Variants in PREPL observed in about 807,000 individuals in gnomAD.
PREPL encodes the protein prolyl endopeptidase-like.
Under a neutral mutation model 70.6 loss-of-function variants are expected in PREPL, and 77 were observed. That is an observed-to-expected ratio of 1.09 (90% CI 0.91 to 1.32). The LOEUF (loss-of-function observed/expected upper bound fraction) is 1.32, where lower values mean the gene tolerates loss of function less well. Among genes scored for constraint, PREPL ranks in the 40% most tolerant of loss-of-function variants. The pLI, the probability that PREPL is intolerant of heterozygous loss-of-function variation, is 0.00. For missense variants in PREPL, 1,002 were observed against 778.2 expected (o/e 1.29, Z -3.42); for synonymous variants, 315 against 264.8 (o/e 1.19, Z -1.84).
intron 5 of PREPL, among the ~76,000 whole-genome samples, chr2:44,341,973 C>A (rs1377479505): frequency 6.6e-6 from 1 of 152,042 alleles, no homozygotes; most frequent in Non-Finnish European, 1.5e-5. Flanking sequence ...CAACAATCAT[C>A]AGGAACAAGG....
rs1022399046 is a variant in PREPL at position 44,343,672 on chromosome 2, T to C, written c.349+73A>G. The C allele has an allele frequency of 4.3e-6, 6 of 1,401,498 alleles. No homozygotes were observed. The African/African-American group carries it at 8.5e-5, about 20-fold the overall frequency. 86.8% of individuals were successfully genotyped at this position (1,401,498 alleles called of 1,614,324 possible). A position where few individuals can be genotyped will look rare whatever the true frequency, so the allele number is the denominator to read the frequency against. The stretch of plus-strand genomic sequence containing the variant: ...GCATTCACCTTCTCCCTCCCTCACA[T>C]GCGACAAAAAAATGTTTCAAAAGTG... On this transcript the variant is annotated intron_variant, in intron 4 of 13. Coordinates refer to ENST00000409411, the MANE Select transcript of PREPL (RefSeq NM_001171613.2).
At chr2:44,350,476 A>T (rs1405981022) in intron 1 of PREPL, among the ~76,000 whole-genome samples, 2 of 152,174 alleles carry the variant, frequency 1.3e-5, no homozygotes, top group East Asian at 3.8e-4. Context: ...ACAGAAATAT[A>T]CTAAATCTGT....
At chr2:44,347,476 G>A (rs572334589) in intron 1 of PREPL, among the ~76,000 whole-genome samples, 84 of 152,334 alleles carry the variant, frequency 5.5e-4, no homozygotes, top group Non-Finnish European at 1.0e-3. Context: ...AGATATAGAT[G>A]AAAGCTAAAT....
chr2:44,322,712 C>A lies in PREPL; in HGVS notation c.1753+19G>T. 6.2e-7 allele frequency: 1 copy of A among 1,609,962 alleles called. No individual in the cohort carries two copies. Among genetic ancestry groups the A allele is most frequent in the Non-Finnish European group, 8.5e-7 (1 of 1,178,134 alleles). On this transcript the variant is annotated intron_variant, in intron 12 of 13. Coordinates refer to ENST00000409411, the MANE Select transcript of PREPL (RefSeq NM_001171613.2). ...GTAGTCTGTTTGGCCATGTTCCCTG[C>A]TTCTAGGGGGTCTCCTACCTTCACC...
chr2:44,322,412 C>G (rs911895745), intron 12 of PREPL, among the ~76,000 whole-genome samples: 1 of 152,156 alleles, frequency 6.6e-6, no homozygotes, highest in Non-Finnish European at 1.5e-5. Flanking sequence ...CCAAGAATAA[C>G]GGCTCAATAA....
In PREPL at chr2:44,361,487, A is replaced by T; in HGVS notation, c.-156T>A. 1 of 153,298 alleles carries T rather than the reference A, an allele frequency of 6.5e-6. No individual in the cohort carries two copies. The highest frequency in any genetic ancestry group is 2.0e-4 in the South Asian group (1 of 4,990). The allele number at this position is 153,298 out of a possible 1,614,324, so 9.5% of individuals were successfully genotyped here. ...GTGTCACCGCAGGCAAGTCCAGCCGAAGTCTGCGTTCCGCAGCCCACAGAA... is the reference window on the plus strand; with the variant it reads ...GTGTCACCGCAGGCAAGTCCAGCCGTAGTCTGCGTTCCGCAGCCCACAGAA... On this transcript the variant is annotated 5_prime_UTR_variant, in exon 1 of 14. Transcript: ENST00000409411.
chr2:44,357,705 C>T (rs1243633337), intron 1 of PREPL, among the ~76,000 whole-genome samples: 2 of 152,158 alleles, frequency 1.3e-5, no homozygotes, highest in Non-Finnish European at 2.9e-5. Context: ...GATGGTAATT[C>T]CTGTCTACTA....
chr2:44,325,689 T>C (rs1673424619), intron 10 of PREPL, among the ~76,000 whole-genome samples: 1 of 152,144 alleles, frequency 6.6e-6, no homozygotes, highest in Admixed American at 6.5e-5. Context: ...ATTCTCCACA[T>C]TTTTCTGTTT....
At chr2:44,324,668 A>C (rs2103718237) in intron 10 of PREPL, among the ~76,000 whole-genome samples, 1 of 152,162 alleles carries the variant, frequency 6.6e-6, no homozygotes, top group South Asian at 2.1e-4. Flanking sequence ...ACTTGAGCCC[A>C]GGAGTTTGAA....
intron 7 of PREPL, among the ~76,000 whole-genome samples, chr2:44,334,572 G>A (rs921583466): frequency 2.0e-5 from 3 of 152,182 alleles, no homozygotes; most frequent in Admixed American, 6.5e-5. Flanking sequence ...TAGAGACGGA[G>A]TCTTGCTCTT....
At chr2:44,333,061 G>A (rs551953725) in intron 7 of PREPL, among the ~76,000 whole-genome samples, 6 of 152,186 alleles carry the variant, frequency 3.9e-5, no homozygotes, top group South Asian at 2.1e-4. Context: ...CCTCACATGC[G>A]TGTGTTTTTC....
intron 1 of PREPL, among the ~76,000 whole-genome samples, chr2:44,350,380 A>T (rs1014126896): frequency 3.2e-4 from 48 of 152,320 alleles, no homozygotes; most frequent in African/African-American, 1.2e-3. Context: ...GAAAAAATAA[A>T]AAATAATCAC....
intron 1 of PREPL, among the ~76,000 whole-genome samples, chr2:44,349,977 C>T (rs960833330): frequency 6.6e-6 from 1 of 152,010 alleles, no homozygotes; most frequent in Non-Finnish European, 1.5e-5. Flanking sequence ...TTGAAAGAAA[C>T]ACCAAGCCCA....
chr2:44,346,562 AATG>A (rs373907295), intron 1 of PREPL, among the ~76,000 whole-genome samples, 172 bp from the exon 2 acceptor site: 26 of 152,220 alleles, frequency 1.7e-4, no homozygotes, highest in African/African-American at 5.1e-4. Context: ...TCATCAATAA[AATG>A]ATCTTTTTCG....
In PREPL at chr2:44,323,405, A is replaced by G; in HGVS notation, c.1486T>C (p.Phe496Leu). ...ATCATGGTGTTGAGAACATCCAAGA[A>G]AGGTGCCTAAAAAAAAGGCAAAGAA... Reference protein sequence around the residue: ...LVRAVTLEAPFLDVLNTMMDT... With the variant: ...LVRAVTLEAPLLDVLNTMMDT... Residue 496 changes from phenylalanine to leucine, a missense_variant, in exon 11 of 14, where the codon TTC becomes CTC. Physicochemically the swap from Phe to Leu is conservative, Grantham distance 22 (BLOSUM62 0). Coordinates refer to ENST00000409411, the MANE Select transcript of PREPL (RefSeq NM_001171613.2). 1 of 1,580,926 alleles carries G rather than the reference A, an allele frequency of 6.3e-7. No individual in the cohort carries two copies. The highest frequency in any genetic ancestry group is 1.4e-5 in the African/African-American group (1 of 73,074).
In PREPL at chr2:44,326,685, T is replaced by C. The variant is rs777374099; in HGVS notation, c.1479+27A>G. Reference sequence around the variant, plus strand: ...ATGGCTTCACACCTCCCCCATTCTATAAACAGTAGAGACAGAGCGTACTCA... The same window carrying C: ...ATGGCTTCACACCTCCCCCATTCTACAAACAGTAGAGACAGAGCGTACTCA... On this transcript the variant is annotated intron_variant, in intron 10 of 13. Transcript: ENST00000409411. 6.3e-6 allele frequency: 10 copies of C among 1,598,166 alleles called. No individual in the cohort carries two copies. In the South Asian group the frequency reaches 1.1e-4, roughly 18 times the overall value.
chr2:44,354,222 G>C (rs1417605448), intron 1 of PREPL, among the ~76,000 whole-genome samples: 1 of 151,940 alleles, frequency 6.6e-6, no homozygotes, highest in Non-Finnish European at 1.5e-5. Context: ...TGATTTCTGG[G>C]GTATGTTTTC....
chr2:44,355,324 G>A (rs1676909261), intron 1 of PREPL, among the ~76,000 whole-genome samples: 1 of 152,170 alleles, frequency 6.6e-6, no homozygotes, highest in Non-Finnish European at 1.5e-5. Flanking sequence ...AAGGCAGGTG[G>A]ATTGCTTGAG....
intron 1 of PREPL, among the ~76,000 whole-genome samples, chr2:44,352,465 T>C (rs1424509394): frequency 6.6e-6 from 1 of 152,192 alleles, no homozygotes; most frequent in African/African-American, 2.4e-5. Flanking sequence ...TTTTGCCATG[T>C]TGCCCAGGCT....
Sources: gnomAD v4.1 joint callset for allele counts (sites outside exome capture counted in the v4.1 genomes callset) on GRCh38, gnomAD v4.1.1 for gene constraint, MANE v1.5 for transcripts, NCBI Gene and HGNC (gene_info 2026-07-23, HGNC 2026-07-21) for gene names.